Variants in NECAB2 observed in about 807,000 individuals in gnomAD.
NECAB2 encodes the protein N-terminal EF-hand calcium-binding protein 2.
A neutral mutation model predicts 51.9 loss-of-function variants in NECAB2; 68 were observed. The observed-to-expected ratio is 1.31, with a 90% CI of 1.08 to 1.60. The LOEUF (loss-of-function observed/expected upper bound fraction) is 1.60. Among genes scored for constraint, NECAB2 ranks in the 40% most tolerant of loss-of-function variants. The probability of loss-of-function intolerance (pLI) is 0.00; values close to 1 mark genes in which losing one functional copy is unlikely to be tolerated. For missense variants in NECAB2, 854 were observed against 490.3 expected, an observed-to-expected ratio of 1.74 and a Z score of -7.00; for synonymous variants, 329 against 203.5, an observed-to-expected ratio of 1.62 and a Z score of -5.25.
upstream of NECAB2, among the ~76,000 whole-genome samples, chr16:83,966,892 T>C (rs538752484): frequency 3.3e-5 from 5 of 152,298 alleles, no homozygotes; most frequent in South Asian, 1.0e-3. Context: ...TTTTCTTTTT[T>C]TTGAGACAGA....
At chr16:83,983,979 CAT>C (rs142430669) in intron 5 of NECAB2, among the ~76,000 whole-genome samples, 7 of 145,690 alleles carry the variant, frequency 4.8e-5, no homozygotes, top group Admixed American at 2.7e-4. Context: ...TTGTAAAATA[CAT>C]ATATATATAT....
chr16:83,969,852 C>T (rs2084329570), intron 1 of NECAB2, among the ~76,000 whole-genome samples: 1 of 152,124 alleles, frequency 6.6e-6, no homozygotes, highest in South Asian at 2.1e-4. Context: ...ACGCGTGTAT[C>T]GCGGATCCCT....
chr16:83,997,453 G>C (rs574553639), intron 9 of NECAB2, among the ~76,000 whole-genome samples, 184 bp downstream of exon 9: 3 of 151,192 alleles, frequency 2.0e-5, no homozygotes, highest in Non-Finnish European at 4.4e-5. Flanking sequence ...ACCAACTCCG[G>C]GGGTATTTCT....
intron 10 of NECAB2, among the ~76,000 whole-genome samples, chr16:83,999,422 G>C (rs1439465105): frequency 6.6e-6 from 1 of 152,170 alleles, no homozygotes; most frequent in Admixed American, 6.5e-5. Flanking sequence ...TGGACGTAGA[G>C]GCTCTGGTTT....
At chr16:83,992,012 T>G (rs1433873656) in intron 6 of NECAB2, among the ~76,000 whole-genome samples, 1 of 152,182 alleles carries the variant, frequency 6.6e-6, no homozygotes, top group African/African-American at 2.4e-5. Context: ...AACTGCACTC[T>G]CGGCATCACA....
rs1186594117 is a variant in NECAB2 at position 83,994,341 on chromosome 16, C to G, written c.636C>G (p.Thr212=). The G allele has an allele frequency of 1.9e-6, 3 of 1,614,068 alleles. No homozygotes were observed. The highest frequency in any genetic ancestry group is 2.5e-6 in the Non-Finnish European group (3 of 1,180,036). The change falls in exon 7 of 13, where the codon ACC becomes ACG. Residue 212 remains threonine (T), a synonymous_variant. Coordinates refer to ENST00000305202, the MANE Select transcript of NECAB2 (RefSeq NM_019065.3). ...AACCCAGCCACAGCGCGGCACAGAC[C>G]TGGTGTGGAAGCCCCACTCCCGCCT... ...HIKPSHSAAQ[T]WCGSPTPASA... is the part of the protein sequence containing the mutation.
chr16:83,999,278 G>C (rs1217916162), intron 10 of NECAB2, among the ~76,000 whole-genome samples: 2 of 152,166 alleles, frequency 1.3e-5, no homozygotes, highest in African/African-American at 4.8e-5. Flanking sequence ...TGGGGGGGCA[G>C]GACCCACTCC....
At chr16:83,972,725 TTCTC>T (rs753135627) in intron 2 of NECAB2, among the ~76,000 whole-genome samples, 19 of 152,170 alleles carry the variant, frequency 1.2e-4, no homozygotes, top group Non-Finnish European at 2.2e-4. Flanking sequence ...CCTTTTCCCT[TTCTC>T]TCTCAGCCTC....
chr16:83,993,658 G>T (rs2084655125), intron 6 of NECAB2: 1 of 160,278 alleles, frequency 6.2e-6, no homozygotes, highest in Non-Finnish European at 1.3e-5. Context: ...GTGTGTGTGT[G>T]TGTGTGTGTG....
intron 6 of NECAB2, among the ~76,000 whole-genome samples, chr16:83,993,058 G>A (rs532176945): frequency 6.6e-6 from 1 of 152,278 alleles, no homozygotes; most frequent in Non-Finnish European, 1.5e-5. Flanking sequence ...GTCAGACGGG[G>A]CAGCTTGTCG....
chr16:83,978,726 G>A (rs1346365961), intron 3 of NECAB2, among the ~76,000 whole-genome samples, 174 bp downstream of exon 3: 2 of 152,040 alleles, frequency 1.3e-5, no homozygotes, highest in East Asian at 3.9e-4. Flanking sequence ...GGCGTGTGCA[G>A]ATTCATATTG....
chr16:83,966,391 G>C (rs2084281064), upstream of NECAB2: 1 of 238,290 alleles, frequency 4.2e-6, no homozygotes, highest in Admixed American at 5.0e-5. Context: ...ACCCTGCACT[G>C]GGCTGGGGGG....
chr16:83,986,724 T>A (rs1272962084), intron 5 of NECAB2, among the ~76,000 whole-genome samples: 1 of 151,692 alleles, frequency 6.6e-6, no homozygotes, highest in Admixed American at 6.6e-5. Context: ...TTCCCTATTT[T>A]GCTTAGACTA....
intron 5 of NECAB2, among the ~76,000 whole-genome samples, chr16:83,984,238 GTCC>G (rs1174283643): frequency 6.6e-6 from 1 of 151,650 alleles, no homozygotes; most frequent in Non-Finnish European, 1.5e-5. Flanking sequence ...CTCGTGATCT[GTCC>G]TCCTCGGCCT....
At chr16:83,972,296 C>T (rs1489070163) in intron 2 of NECAB2, 121 bp downstream of exon 2, 2 of 1,439,800 alleles carry the variant, frequency 1.4e-6, no homozygotes, top group Admixed American at 3.7e-5. Context: ...GTGCAGGGGT[C>T]TGAAGTTAGA....
intron 10 of NECAB2, among the ~76,000 whole-genome samples, 191 bp downstream of exon 10, chr16:83,998,508 T>C (rs1353367828): frequency 6.6e-6 from 1 of 152,104 alleles, no homozygotes; most frequent in South Asian, 2.1e-4. Context: ...GTGGCAGGTG[T>C]CTTCATCTCC....
rs1222115629 is a variant in NECAB2, at chr16:83,973,383, T to C, written c.226+1208T>C. ...TGGTGGGAGGGCAGGTGCACAGGCCTGGGCTGGAATCAGTTCCAACGAGTC... is the reference window on the plus strand; with the variant it reads ...TGGTGGGAGGGCAGGTGCACAGGCCCGGGCTGGAATCAGTTCCAACGAGTC... On this transcript the variant is annotated intron_variant, in intron 2 of 12. Transcript: ENST00000305202. 2.6e-5 allele frequency among the ~76,000 whole-genome samples: 4 copies of C among 152,136 alleles called. No individual in the cohort carries two copies. The East Asian group carries it at 7.7e-4, about 29-fold the overall frequency.
Position 84,000,721 on chromosome 16 carries a change from C to T in NECAB2, c.963-3C>T, listed in dbSNP as rs768694442. Reference sequence around the variant, plus strand: ...TCCTCCCCCCGACCATCTCCTGTTGCAGCATCACTGCCGTGAGGCTCTCAG... The same window carrying T: ...TCCTCCCCCCGACCATCTCCTGTTGTAGCATCACTGCCGTGAGGCTCTCAG... On this transcript the variant is annotated splice_polypyrimidine_tract_variant and splice_region_variant and intron_variant, in intron 10 of 12. Coordinates refer to ENST00000305202, the MANE Select transcript of NECAB2 (RefSeq NM_019065.3). 4 of 1,613,472 alleles carry T rather than the reference C, an allele frequency of 2.5e-6. No homozygotes were observed. The highest frequency in any genetic ancestry group is 1.3e-5 in the African/African-American group (1 of 74,918).
chr16:83,983,030 G>T (rs991995189), intron 5 of NECAB2, among the ~76,000 whole-genome samples: 1 of 151,778 alleles, frequency 6.6e-6, no homozygotes, highest in African/African-American at 2.4e-5. Flanking sequence ...CACCACTCCT[G>T]GGTAATTTTT....
Sources: gnomAD v4.1 joint callset for allele counts (sites outside exome capture counted in the v4.1 genomes callset) on GRCh38, gnomAD v4.1.1 for gene constraint, MANE v1.5 for transcripts, NCBI Gene and HGNC (gene_info 2026-07-23, HGNC 2026-07-21) for gene names.